Variants in SYNJ1 observed in about 807,000 individuals in gnomAD.
SYNJ1 encodes the protein polyphosphatidylinositol phosphatase SYNJ1.
In SYNJ1, 78 loss-of-function variants were observed where a neutral mutation model predicts 168.2. The observed-to-expected ratio is 0.46, with a 90% CI of 0.39 to 0.56. SYNJ1 has a LOEUF of 0.56. SYNJ1 is among the 20% of genes least tolerant of loss of function. SYNJ1 has a pLI of 0.00. For synonymous variants in SYNJ1, 539 were observed against 548.6 expected, an observed-to-expected ratio of 0.98 and a Z score of 0.24; for missense variants, 1,303 against 1,597.6, an observed-to-expected ratio of 0.82 and a Z score of 3.14.
chr21:32,653,469 AG>A (rs1313297683), intron 21 of SYNJ1, 103 bp from the exon 22 acceptor site: 2 of 935,820 alleles, frequency 2.1e-6, no homozygotes, highest in Non-Finnish European at 3.3e-6. Context: ...ACAAGAGGCC[AG>A]GAAGTAAAAA....
intron 2 of SYNJ1, among the ~76,000 whole-genome samples, chr21:32,709,876 T>A (rs763430836): frequency 3.3e-5 from 5 of 152,030 alleles, no homozygotes; most frequent in Non-Finnish European, 7.4e-5. Flanking sequence ...ATTGACAGAA[T>A]TCTCACTGCC....
chr21:32,651,161 AAC>A (rs1166912949), intron 22 of SYNJ1, among the ~76,000 whole-genome samples: 1 of 152,254 alleles, frequency 6.6e-6, no homozygotes, highest in East Asian at 1.9e-4. Flanking sequence ...ATATTCTTAT[AAC>A]AAACTTGCTT....
intron 2 of SYNJ1, among the ~76,000 whole-genome samples, chr21:32,708,216 G>C (rs979944941): frequency 6.6e-6 from 1 of 152,186 alleles, no homozygotes; most frequent in African/African-American, 2.4e-5. Context: ...TGAAGTTTAT[G>C]AAGTGGCAGG....
chr21:32,681,774 A>G (rs1601404395), intron 10 of SYNJ1, 126 bp from the exon 11 acceptor site: 1 of 777,874 alleles, frequency 1.3e-6, no homozygotes, highest in East Asian at 2.8e-5. Flanking sequence ...AGCTTCTGAA[A>G]ACATAACAGT....
chr21:32,639,751 C>T lies in SYNJ1; in HGVS notation c.3617G>A (p.Ser1206Asn). Residue 1206 changes from serine to asparagine, a missense_variant, in exon 30 of 33, where the codon AGT (serine) becomes AAT (asparagine). By Grantham distance (46) the Ser-to-Asn change is conservative (BLOSUM62 1). Coordinates refer to ENST00000674351, the MANE Select transcript of SYNJ1 (RefSeq NM_203446.3). ...TGCCCGCGCGTGGCTCTGTGGGGCA[C>T]TGATAACTCCAGCACGAGGAGGAAT... ...PTIPPRAGVI[S>N]APQSHARASA... The T allele has an allele frequency of 6.2e-7, 1 of 1,614,144 alleles. No homozygotes were observed. Among genetic ancestry groups the T allele is most frequent in the East Asian group, 2.2e-5 (1 of 44,884 alleles).
chr21:32,660,540 A>G (rs1303465977), intron 18 of SYNJ1, among the ~76,000 whole-genome samples: 1 of 152,260 alleles, frequency 6.6e-6, no homozygotes, highest in Non-Finnish European at 1.5e-5. Context: ...GGGCATCAGC[A>G]GACTGGGAGT....
intron 5 of SYNJ1, 35 bp from the exon 6 acceptor site, chr21:32,694,346 A>G: frequency 6.7e-7 from 1 of 1,493,328 alleles, no homozygotes; most frequent in Non-Finnish European, 8.9e-7. Context: ...AACTATTTCC[A>G]CAGAAAAGTT....
At position 32,629,917 on chromosome 21, in the gene SYNJ1, G is replaced by C. The variant is rs549227725; in HGVS notation, c.*1888C>G. 18 of 152,594 alleles carry C rather than the reference G, an allele frequency of 1.2e-4. No individual in the cohort carries two copies. Among genetic ancestry groups the C allele is most frequent in the South Asian group, 4.1e-4 (2 of 4,830 alleles). The allele number at this position is 152,594 out of a possible 1,614,324, so 9.5% of individuals were successfully genotyped here. A position where few individuals can be genotyped will look rare whatever the true frequency, so the allele number is the denominator to read the frequency against. ...GATGTGTTATGTAGCCTCGTAAGAGGGGGGAGAACACACACTGGGTATATT... is the reference window on the plus strand; with the variant it reads ...GATGTGTTATGTAGCCTCGTAAGAGCGGGGAGAACACACACTGGGTATATT... On this transcript the variant is annotated 3_prime_UTR_variant, in exon 33 of 33. Transcript: ENST00000674351.
rs1011041618 is a variant in SYNJ1 at position 32,629,408 on chromosome 21, T to A, written c.*2397A>T. On this transcript the variant is annotated 3_prime_UTR_variant, in exon 33 of 33. Coordinates refer to ENST00000674351, the MANE Select transcript of SYNJ1 (RefSeq NM_203446.3). ...GTTATTTCTAACAGCAAATCTTGGC[T>A]GTTAACAGAGAAGATTACTTCTATA... 1.3e-5 allele frequency: 2 copies of A among 152,680 alleles called. No individual in the cohort carries two copies. Among genetic ancestry groups the A allele is most frequent in the African/African-American group, 4.8e-5 (2 of 41,468 alleles). 9.5% of individuals were successfully genotyped at this position (152,680 alleles called of 1,614,324 possible).
chr21:32,658,138 A>T (rs1200613674), intron 18 of SYNJ1, among the ~76,000 whole-genome samples: 2 of 152,212 alleles, frequency 1.3e-5, no homozygotes, highest in Non-Finnish European at 2.9e-5. Context: ...CCTCAAGCCA[A>T]AAAGTCTGTT....
chr21:32,630,162 T>A lies in SYNJ1; in HGVS notation c.*1643A>T, dbSNP rs1723725615. ...GTGCTTTTTTGGGAGCGCTAGAATA[T>A]CCATCCACTTGACAGTGACCACAAA... is the stretch of plus-strand genomic sequence containing the variant. On this transcript the variant is annotated 3_prime_UTR_variant, in exon 33 of 33. Transcript: ENST00000674351. 1 of 152,216 alleles carries A rather than the reference T, an allele frequency of 6.6e-6. No homozygotes were observed. The allele number at this position is 152,216 out of a possible 1,614,324, so 9.4% of individuals were successfully genotyped here.
intron 2 of SYNJ1, among the ~76,000 whole-genome samples, chr21:32,703,596 C>T (rs992276363): frequency 3.3e-5 from 5 of 152,054 alleles, no homozygotes; most frequent in African/African-American, 1.2e-4. Flanking sequence ...AGTTATATGC[C>T]ATATACATTT....
intron 14 of SYNJ1, among the ~76,000 whole-genome samples, chr21:32,671,274 C>T (rs2041177195): frequency 6.6e-6 from 1 of 151,474 alleles, no homozygotes; most frequent in African/African-American, 2.4e-5. Context: ...GAGACTGCAC[C>T]ACTGCCTGGG....
chr21:32,631,099 G>A lies in SYNJ1; in HGVS notation c.*706C>T, dbSNP rs2039304033. 3 of 1,614,094 alleles carry A rather than the reference G, an allele frequency of 1.9e-6. No homozygotes were observed. In the African/African-American group the frequency reaches 4.0e-5, roughly 22 times the overall value. The stretch of plus-strand genomic sequence containing the variant: ...GGCGGGAGCAGAGGGACAGGAGGTG[G>A]AGGAGGTCTTCTTGACGGCAACACA... On this transcript the variant is annotated 3_prime_UTR_variant, in exon 33 of 33. Coordinates refer to ENST00000674351, the MANE Select transcript of SYNJ1 (RefSeq NM_203446.3).
intron 2 of SYNJ1, among the ~76,000 whole-genome samples, chr21:32,714,995 T>C (rs1276637073): frequency 1.3e-5 from 2 of 152,162 alleles, no homozygotes; most frequent in Non-Finnish European, 2.9e-5. Context: ...CTACGTCACT[T>C]TGCCACAACT....
rs749527882 is a variant in SYNJ1 at position 32,631,284 on chromosome 21, G to C, written c.*521C>G. The C allele has an allele frequency of 6.2e-7, 1 of 1,614,012 alleles. No homozygotes were observed. Among genetic ancestry groups the C allele is most frequent in the Non-Finnish European group, 8.5e-7 (1 of 1,180,040 alleles). On this transcript the variant is annotated 3_prime_UTR_variant, in exon 33 of 33. Coordinates refer to ENST00000674351, the MANE Select transcript of SYNJ1 (RefSeq NM_203446.3). The stretch of plus-strand genomic sequence containing the variant: ...TTCCTCGAAGGTTACCCATCCTTTC[G>C]GGTTGCTAATTTTTAATGTAGACTG...
intron 2 of SYNJ1, among the ~76,000 whole-genome samples, chr21:32,724,722 G>A (rs1389703934): frequency 6.6e-6 from 1 of 151,620 alleles, no homozygotes; most frequent in African/African-American, 2.4e-5. Context: ...CAAAATGAAG[G>A]CCAAATTAAT....
chr21:32,686,932 C>T, intron 8 of SYNJ1, 46 bp downstream of exon 8: 2 of 1,219,840 alleles, frequency 1.6e-6, no homozygotes, highest in Non-Finnish European at 2.3e-6. Context: ...TAATACCATT[C>T]TAGGTGTCCA....
rs1283151166 is a variant in SYNJ1 at position 32,657,799 on chromosome 21, T to C, written c.2378A>G (p.Tyr793Cys). The change falls in exon 19 of 33, where the codon TAT (tyrosine) becomes TGT (cysteine). Residue 793 changes from tyrosine to cysteine, a missense_variant. By Grantham distance (194) the Tyr-to-Cys change is radical. Around this residue, in one of 2 missense-constraint regions of SYNJ1, gnomAD observed 920 missense variants for 1,208.8 expected, o/e 0.76. Transcript: ENST00000674351. Reference protein sequence around the residue: ...TYKYDLFSDDYDTSEKCRTPA... With the variant: ...TYKYDLFSDDCDTSEKCRTPA... ...GGTGCGGCACTTTTCACTGGTGTCA[T>C]AGTCGTCAGAAAACAAGTCATACTT... The C allele has an allele frequency of 3.1e-6, 5 of 1,614,056 alleles. No individual in the cohort carries two copies. The highest frequency in any genetic ancestry group is 4.2e-6 in the Non-Finnish European group (5 of 1,180,028).
Sources: gnomAD v4.1 joint callset for allele counts (sites outside exome capture counted in the v4.1 genomes callset) on GRCh38, gnomAD v4.1.1 for gene constraint, gnomAD v4.1.1 regional missense constraint, MANE v1.5 for transcripts, NCBI Gene and HGNC (gene_info 2026-07-23, HGNC 2026-07-21) for gene names.